Variants in KLF8 observed in about 807,000 individuals in gnomAD.
KLF8 encodes KLF transcription factor 8.
In KLF8, 10 loss-of-function variants were observed where a neutral mutation model predicts 18.2. The observed-to-expected ratio is 0.55, with a 90% CI of 0.34 to 0.93. The LOEUF (loss-of-function observed/expected upper bound fraction) is 0.93, where lower values mean the gene tolerates loss of function less well. KLF8 is among the 40% of genes least tolerant of loss of function. The pLI is 0.02. For missense variants in KLF8, 264 were observed against 277.9 expected, an observed-to-expected ratio of 0.95 and a Z score of 0.36; for synonymous variants, 109 against 97.3, an observed-to-expected ratio of 1.12 and a Z score of -0.71.
the KLF8 span, among the ~76,000 whole-genome samples, chrX:56,094,225 T>G: frequency 9.1e-6 from 1 of 110,303 alleles, no homozygotes. Context: ...AAAACAGACT[T>G]TAAATATAAA....
At chrX:56,145,330 T>G in the KLF8 span, among the ~76,000 whole-genome samples, 3 of 111,344 alleles carry the variant, frequency 2.7e-5, no homozygotes, top group African/African-American at 9.8e-5. Flanking sequence ...ATAGAGAAAT[T>G]GGAACCCTCA....
chrX:55,988,188 A>G, the KLF8 span, among the ~76,000 whole-genome samples: 1 of 111,565 alleles, frequency 9.0e-6, no homozygotes, highest in African/African-American at 3.3e-5. Flanking sequence ...TTTGCTGTGC[A>G]GAAGCTCTTT....
At chrX:56,167,165 C>T in the KLF8 span, among the ~76,000 whole-genome samples, 1 of 111,282 alleles carries the variant, frequency 9.0e-6, no homozygotes, top group African/African-American at 3.3e-5. Context: ...GAGTCTTGTT[C>T]TGTCGTCTAG....
At chrX:56,025,148 G>C in the KLF8 span, among the ~76,000 whole-genome samples, 5 of 112,348 alleles carry the variant, frequency 4.5e-5, no homozygotes. Flanking sequence ...TTTAAAGACT[G>C]TGCTACATGC....
At chrX:56,056,357 C>T in the KLF8 span, among the ~76,000 whole-genome samples, 1 of 110,013 alleles carries the variant, frequency 9.1e-6, no homozygotes, top group Non-Finnish European at 1.9e-5. Context: ...ACTTTGAATT[C>T]TTGTACCATT....
intron 2 of KLF8, among the ~76,000 whole-genome samples, chrX:56,256,002 C>T (rs947678235): frequency 9.0e-6 from 1 of 111,489 alleles, no homozygotes; most frequent in African/African-American, 3.3e-5. Flanking sequence ...AGCTGTGAAG[C>T]CATCAGGTCC....
rs925571587 is a variant in KLF8, at chrX:56,289,718, A to T, written c.*5224A>T. On this transcript the variant is annotated 3_prime_UTR_variant, in exon 6 of 6. Transcript: ENST00000468660. Reference sequence around the variant, plus strand: ...TTAATTTTTCAAATTCAGTGTGCACATATAGCAGTATCTGAATTGTTAACC... The same window carrying T: ...TTAATTTTTCAAATTCAGTGTGCACTTATAGCAGTATCTGAATTGTTAACC... Among the ~76,000 whole-genome samples, 4 of 111,730 alleles carry T rather than the reference A, an allele frequency of 3.6e-5. No individual in the cohort carries two copies. Among genetic ancestry groups the T allele is most frequent in the Non-Finnish European group, 7.5e-5 (4 of 53,198 alleles).
chrX:56,200,277 C>T, the KLF8 span, among the ~76,000 whole-genome samples: 1 of 109,792 alleles, frequency 9.1e-6, no homozygotes, highest in Non-Finnish European at 1.9e-5. Context: ...TGTATGTACT[C>T]ACAAAAACTA....
chrX:56,014,056 A>G, the KLF8 span, among the ~76,000 whole-genome samples: 18 of 112,032 alleles, frequency 1.6e-4, no homozygotes, highest in East Asian at 4.4e-3. Flanking sequence ...AGGCGATACC[A>G]TTCAGGACAT....
At chrX:56,153,919 T>G in the KLF8 span, among the ~76,000 whole-genome samples, 1 of 110,624 alleles carries the variant, frequency 9.0e-6, no homozygotes, top group Non-Finnish European at 1.9e-5. Flanking sequence ...CACTGCTCAG[T>G]GAAATAAAAG....
the KLF8 span, among the ~76,000 whole-genome samples, chrX:56,131,270 A>G: frequency 1.8e-5 from 2 of 112,235 alleles, no homozygotes; most frequent in Non-Finnish European, 3.8e-5. Flanking sequence ...AAAGAAACCT[A>G]TCAGATTAAT....
intron 1 of KLF8, among the ~76,000 whole-genome samples, chrX:56,246,875 A>G (rs1302055672): frequency 9.0e-6 from 1 of 111,113 alleles, no homozygotes; most frequent in Non-Finnish European, 1.9e-5. Context: ...TTGTGAACTC[A>G]TGGGGTATAA....
At chrX:56,131,969 T>G in the KLF8 span, among the ~76,000 whole-genome samples, 8 of 111,913 alleles carry the variant, frequency 7.1e-5, no homozygotes, top group Non-Finnish European at 1.1e-4. Flanking sequence ...CACCTAACAC[T>G]GGAGCTTTCA....
At chrX:56,026,224 A>T in the KLF8 span, among the ~76,000 whole-genome samples, 2 of 111,531 alleles carry the variant, frequency 1.8e-5, no homozygotes, top group South Asian at 7.6e-4. Context: ...GGTCCTTTCC[A>T]TCATGGCCGC....
chrX:56,078,885 C>T, the KLF8 span, among the ~76,000 whole-genome samples: 12 of 111,007 alleles, frequency 1.1e-4, no homozygotes, highest in Admixed American at 7.6e-4. Flanking sequence ...GTGTATGTGT[C>T]CAGGAATTTA....
chrX:56,255,240 C>G (rs1356484994), intron 2 of KLF8, among the ~76,000 whole-genome samples: 3 of 112,437 alleles, frequency 2.7e-5, no homozygotes, highest in Non-Finnish European at 3.8e-5. Flanking sequence ...AAAGATGCTA[C>G]TGATTTGATT....
the KLF8 span, among the ~76,000 whole-genome samples, chrX:56,004,270 T>C: frequency 8.9e-6 from 1 of 112,481 alleles, no homozygotes; most frequent in African/African-American, 3.2e-5. Context: ...ACGGTACCTG[T>C]TCAACAGATG....
chrX:55,996,530 G>A, the KLF8 span, among the ~76,000 whole-genome samples: 1 of 111,927 alleles, frequency 8.9e-6, no homozygotes, highest in African/African-American at 3.2e-5. Flanking sequence ...CCTTTAGATA[G>A]GGCTTTTTGC....
chrX:56,007,915 A>G, the KLF8 span, among the ~76,000 whole-genome samples: 1 of 110,768 alleles, frequency 9.0e-6, no homozygotes, highest in Non-Finnish European at 1.9e-5. Flanking sequence ...TTACCTGTGT[A>G]ACAAACCTGA....
Sources: allele counts gnomAD v4.1 joint callset (sites outside exome capture counted in the v4.1 genomes callset), GRCh38; gene constraint gnomAD v4.1.1; transcripts MANE v1.5; gene names NCBI Gene and HGNC (gene_info 2026-07-23, HGNC 2026-07-21).